The following KCNAB1 variants were observed in gnomAD, a reference collection of about 807,000 sequenced individuals.
KCNAB1 encodes potassium voltage-gated channel subfamily A regulatory beta subunit 1, also known as voltage-gated potassium channel subunit beta-1.
In KCNAB1, 35 loss-of-function variants were observed where a neutral mutation model predicts 64.6. The ratio of observed to expected loss-of-function variants is 0.54; its 90% CI spans 0.41 to 0.72. KCNAB1 has a LOEUF of 0.72. Ranked by LOEUF, KCNAB1 falls within the 30% of genes least tolerant of loss-of-function variation. The probability of loss-of-function intolerance (pLI) is 0.00; values close to 1 mark genes in which losing one functional copy is unlikely to be tolerated. For synonymous variants in KCNAB1, 177 were observed against 183.8 expected (o/e 0.96, Z 0.30); for missense variants, 401 against 512.9 (o/e 0.78, Z 2.11).
intron 1 of KCNAB1, among the ~76,000 whole-genome samples, chr3:156,351,628 G>A (rs1724864442): frequency 6.6e-6 from 1 of 152,240 alleles, no homozygotes; most frequent in Non-Finnish European, 1.5e-5. Flanking sequence ...AGTGGGTTCT[G>A]GCAGAAGCTC....
chr3:156,349,490 T>C (rs1724716508), intron 1 of KCNAB1, among the ~76,000 whole-genome samples: 1 of 152,164 alleles, frequency 6.6e-6, no homozygotes, highest in East Asian at 1.9e-4. Flanking sequence ...TCTTACCACT[T>C]CTACTTTTCT....
intron 8 of KCNAB1, among the ~76,000 whole-genome samples, chr3:156,486,472 G>A (rs1041302508): frequency 2.6e-5 from 4 of 152,148 alleles, no homozygotes; most frequent in Non-Finnish European, 5.9e-5. Context: ...GTTGGGATGG[G>A]GGTTTGAAGG....
intron 3 of KCNAB1, among the ~76,000 whole-genome samples, chr3:156,454,344 G>C (rs1432713624): frequency 6.6e-6 from 1 of 152,204 alleles, no homozygotes; most frequent in Non-Finnish European, 1.5e-5. Context: ...GTTCTGCAGA[G>C]TTGTCTCAGT....
At chr3:156,284,119 T>C (rs547489800) in intron 1 of KCNAB1, among the ~76,000 whole-genome samples, 8 of 152,212 alleles carry the variant, frequency 5.3e-5, no homozygotes, top group African/African-American at 1.9e-4. Context: ...TGGTCTTTGA[T>C]GATGGTGATG....
chr3:156,488,707 G>A (rs760019341), intron 8 of KCNAB1, among the ~76,000 whole-genome samples: 1 of 152,004 alleles, frequency 6.6e-6, no homozygotes, highest in Admixed American at 6.6e-5. Flanking sequence ...CAACTCCAGA[G>A]TCCTAAGCAT....
At position 156,329,660 on chromosome 3, in the gene KCNAB1, T is replaced by G. The variant is rs118157225; in HGVS notation, c.276-91956T>G. Among the ~76,000 whole-genome samples, 229 of 152,152 alleles carry G rather than the reference T, an allele frequency of 1.5e-3. 3 individuals are homozygous for G. The highest frequency in any genetic ancestry group is 7.9e-3 in the East Asian group (41 of 5,162). On this transcript the variant is annotated intron_variant, in intron 1 of 13. Coordinates refer to ENST00000490337, the MANE Select transcript of KCNAB1 (RefSeq NM_172160.3). ...TCAGTGTCCCAAGTAATGTGAGAAT[T>G]TGGCTAAGGAAGAGAAAGAAGCTGA... is the stretch of plus-strand genomic sequence containing the variant.
At chr3:156,321,362 A>T (rs1359857820) in intron 1 of KCNAB1, among the ~76,000 whole-genome samples, 1 of 152,170 alleles carries the variant, frequency 6.6e-6, no homozygotes, top group Non-Finnish European at 1.5e-5. Flanking sequence ...TATGTGCAAG[A>T]TGGGTAATAT....
At chr3:156,359,997 T>C (rs897077822) in intron 1 of KCNAB1, among the ~76,000 whole-genome samples, 3 of 152,232 alleles carry the variant, frequency 2.0e-5, no homozygotes, top group African/African-American at 4.8e-5. Context: ...AAAATAGCTA[T>C]ACCATGGTGT....
At chr3:156,392,679 A>T (rs1713133626) in intron 1 of KCNAB1, among the ~76,000 whole-genome samples, 1 of 152,190 alleles carries the variant, frequency 6.6e-6, no homozygotes, top group South Asian at 2.1e-4. Flanking sequence ...GTTTACCAAG[A>T]TGTTTTTTGT....
chr3:156,360,511 G>A (rs1254151644), intron 1 of KCNAB1, among the ~76,000 whole-genome samples: 5 of 152,128 alleles, frequency 3.3e-5, no homozygotes, highest in African/African-American at 9.6e-5. Flanking sequence ...GGAGTTTGAG[G>A]CCACCCTGGG....
At chr3:156,469,042 T>G (rs917016270) in intron 7 of KCNAB1, among the ~76,000 whole-genome samples, 10 of 152,158 alleles carry the variant, frequency 6.6e-5, no homozygotes, top group Admixed American at 1.3e-4. Flanking sequence ...AAAGTTCTTG[T>G]TTTTTGTTCT....
intron 1 of KCNAB1, among the ~76,000 whole-genome samples, chr3:156,188,663 G>T (rs1713361292): frequency 6.6e-6 from 1 of 152,116 alleles, no homozygotes; most frequent in African/African-American, 2.4e-5. Flanking sequence ...TTTATATTGT[G>T]GGACAGTATG....
intron 1 of KCNAB1, among the ~76,000 whole-genome samples, chr3:156,322,369 A>C (rs1722715712): frequency 6.6e-6 from 1 of 152,126 alleles, no homozygotes; most frequent in South Asian, 2.1e-4. Context: ...GATTCAACAA[A>C]CTGCAGTTTG....
intron 1 of KCNAB1, among the ~76,000 whole-genome samples, chr3:156,219,215 C>G (rs1030711741): frequency 4.0e-5 from 6 of 151,794 alleles, no homozygotes; most frequent in African/African-American, 1.2e-4. Flanking sequence ...AAACATGATA[C>G]AGGGTATGAA....
chr3:156,318,030 A>G (rs542430220), intron 1 of KCNAB1, among the ~76,000 whole-genome samples: 1 of 152,318 alleles, frequency 6.6e-6, no homozygotes, highest in Admixed American at 6.5e-5. Context: ...GCTAATCTGC[A>G]TCTCCAGAAT....
chr3:156,287,379 G>A (rs1362412958), intron 1 of KCNAB1, among the ~76,000 whole-genome samples: 3 of 151,278 alleles, frequency 2.0e-5, no homozygotes, highest in Admixed American at 6.6e-5. Context: ...CTACCCCAGG[G>A]CGTCCACAAA....
At position 156,536,733 on chromosome 3, in the gene KCNAB1, G is replaced by A. The variant is rs749806247; in HGVS notation, c.1246G>A (p.Asp416Asn). 1 of 1,608,576 alleles carries A rather than the reference G, an allele frequency of 6.2e-7. No homozygotes were observed. The highest frequency in any genetic ancestry group is 1.1e-5 in the South Asian group (1 of 90,972). Reference protein sequence around the residue: ...ILRNKPYSKKDYRS With the variant: ...ILRNKPYSKKNYRS The stretch of plus-strand genomic sequence containing the variant: ...GCGCAACAAGCCCTACAGCAAGAAG[G>A]ACTATAGATCATAAGGCAATGCATG... Residue 416 changes from aspartate to asparagine, a missense_variant, in exon 14 of 14, where the codon GAC (aspartate) becomes AAC (asparagine). Coordinates refer to ENST00000490337, the MANE Select transcript of KCNAB1 (RefSeq NM_172160.3).
chr3:156,358,539 A>T (rs954051056), intron 1 of KCNAB1, among the ~76,000 whole-genome samples: 1 of 152,204 alleles, frequency 6.6e-6, no homozygotes, highest in Non-Finnish European at 1.5e-5. Context: ...CCTTGCAGCA[A>T]CTTACATCTC....
intron 1 of KCNAB1, among the ~76,000 whole-genome samples, chr3:156,199,179 A>C (rs1194827674): frequency 1.3e-5 from 2 of 152,136 alleles, no homozygotes; most frequent in Non-Finnish European, 2.9e-5. Flanking sequence ...GCTTCTGCAG[A>C]GATATCTGCT....
Sources: allele counts gnomAD v4.1 joint callset (sites outside exome capture counted in the v4.1 genomes callset), GRCh38; gene constraint gnomAD v4.1.1; transcripts MANE v1.5; gene names NCBI Gene and HGNC (gene_info 2026-07-23, HGNC 2026-07-21).